PAPSS1: variants seen among roughly 807,000 people sequenced by gnomAD.
PAPSS1 encodes 3'-phosphoadenosine 5'-phosphosulfate synthase 1, also known as bifunctional 3'-phosphoadenosine 5'-phosphosulfate synthase 1.
In PAPSS1, 50 loss-of-function variants were observed where a neutral mutation model predicts 72.0. The observed-to-expected ratio is 0.69, with a 90% CI of 0.55 to 0.88. PAPSS1 has a LOEUF of 0.88. Ranked by LOEUF, PAPSS1 falls within the 40% of genes least tolerant of loss-of-function variation. The pLI is 0.00. For synonymous variants in PAPSS1, 261 were observed against 263.6 expected, an observed-to-expected ratio of 0.99 and a Z score of 0.09; for missense variants, 657 against 782.2, an observed-to-expected ratio of 0.84 and a Z score of 1.91.
At chr4:107,623,046 A>G (rs1379384952) in intron 11 of PAPSS1, among the ~76,000 whole-genome samples, 1 of 152,228 alleles carries the variant, frequency 6.6e-6, no homozygotes, top group Non-Finnish European at 1.5e-5. Flanking sequence ...CACTTCCTCC[A>G]GTCTGCCCAT....
intron 9 of PAPSS1, among the ~76,000 whole-genome samples, chr4:107,651,304 C>A (rs980191700): frequency 2.0e-5 from 3 of 152,170 alleles, no homozygotes; most frequent in Non-Finnish European, 4.4e-5. Context: ...GTTCTTAACC[C>A]ATTTTATTAA....
At position 107,714,571 on chromosome 4, in the gene PAPSS1, A is replaced by G. The variant is rs535705554; in HGVS notation, c.60+5549T>C. Among the ~76,000 whole-genome samples the G allele has an allele frequency of 3.2e-3, 487 of 152,248 alleles. 4 individuals carry two copies. The highest frequency in any genetic ancestry group is 5.4e-3 in the Non-Finnish European group (366 of 68,018). ...ATGGCAACTTCCAGGCTGATGGGGG[A>G]AAAAAATGCCACAACAATTGGATTT... is the stretch of plus-strand genomic sequence containing the variant. On this transcript the variant is annotated intron_variant, in intron 1 of 11. Transcript: ENST00000265174.
chr4:107,616,221 T>G (rs1018005653), intron 11 of PAPSS1, among the ~76,000 whole-genome samples: 1 of 152,198 alleles, frequency 6.6e-6, no homozygotes, highest in African/African-American at 2.4e-5. Context: ...AAGTGCTTTT[T>G]ATTTTATTCA....
intron 5 of PAPSS1, among the ~76,000 whole-genome samples, chr4:107,676,041 A>T (rs907150539): frequency 4.6e-5 from 7 of 152,236 alleles, no homozygotes; most frequent in Non-Finnish European, 1.0e-4. Flanking sequence ...TCTCAAAATA[A>T]TAAGAGCTAT....
At chr4:107,637,471 A>T (rs1460303307) in intron 10 of PAPSS1, among the ~76,000 whole-genome samples, 1 of 152,126 alleles carries the variant, frequency 6.6e-6, no homozygotes, top group African/African-American at 2.4e-5. Context: ...CCACTAAACC[A>T]TTCTCTCCCC....
At chr4:107,677,576 A>G (rs1421240870) in intron 5 of PAPSS1, among the ~76,000 whole-genome samples, 1 of 152,212 alleles carries the variant, frequency 6.6e-6, no homozygotes, top group Non-Finnish European at 1.5e-5. Context: ...GAACACTTTT[A>G]CACTGTTGGT....
At position 107,701,787 on chromosome 4, in the gene PAPSS1, CAT is replaced by C. The variant is rs1459770687; in HGVS notation, c.61-504_61-503del. Among the ~76,000 whole-genome samples the C allele has an allele frequency of 4.6e-5, 7 of 152,020 alleles. No individual in the cohort carries two copies. In the South Asian group the frequency reaches 6.2e-4, roughly 14 times the overall value. Reference sequence around the variant, plus strand: ...TGATAAGTGCACTGTAGAAAAATAACATAGGGTAAAAAAGGAAACAGAGTGCC... The same window carrying C: ...TGATAAGTGCACTGTAGAAAAATAACAGGGTAAAAAAGGAAACAGAGTGCC... On this transcript the variant is annotated intron_variant, in intron 1 of 11. Coordinates refer to ENST00000265174, the MANE Select transcript of PAPSS1 (RefSeq NM_005443.5).
At chr4:107,673,920 A>G (rs1387063741) in intron 5 of PAPSS1, among the ~76,000 whole-genome samples, 1 of 152,234 alleles carries the variant, frequency 6.6e-6, no homozygotes, top group Non-Finnish European at 1.5e-5. Context: ...AGAATTTTCA[A>G]CTCAGAATTT....
intron 11 of PAPSS1, among the ~76,000 whole-genome samples, chr4:107,617,513 TG>T: frequency 1.3e-5 from 2 of 152,166 alleles, no homozygotes; most frequent in Non-Finnish European, 2.9e-5. Context: ...GAAAAATCAA[TG>T]TCAGTGTTTT....
At chr4:107,639,277 T>C (rs182270708) in intron 10 of PAPSS1, among the ~76,000 whole-genome samples, 129 of 152,278 alleles carry the variant, frequency 8.5e-4, no homozygotes, top group African/African-American at 2.5e-3. Context: ...GCTAAAAGTA[T>C]ATAAAACAGA....
chr4:107,669,322 G>A (rs1385864041), intron 5 of PAPSS1, among the ~76,000 whole-genome samples: 1 of 152,166 alleles, frequency 6.6e-6, no homozygotes, highest in African/African-American at 2.4e-5. Context: ...TCAACTTAGT[G>A]AGAAAAACAA....
At position 107,687,034 on chromosome 4, in the gene PAPSS1, C is replaced by T. The variant is rs1262876314; in HGVS notation, c.550+5G>A. ...AAGTGAAACTGGGAAGAAAATATTA[C>T]TGACCTTTAATTTCTCCTGCCCGGG... On this transcript the variant is annotated splice_donor_5th_base_variant and intron_variant, in intron 4 of 11. Transcript: ENST00000265174. 2 of 1,596,724 alleles carry T rather than the reference C, an allele frequency of 1.3e-6. No individual in the cohort carries two copies. Among genetic ancestry groups the T allele is most frequent in the Non-Finnish European group, 1.7e-6 (2 of 1,174,412 alleles).
rs999216571 is a variant in PAPSS1 at position 107,719,860 on chromosome 4, G to A, written c.60+260C>T. ...GGTCTTACCTGAGCGGAGGCGCTGGGGAGGGGGGGCGTTCTTCCCACGAAC... is the reference window on the plus strand; with the variant it reads ...GGTCTTACCTGAGCGGAGGCGCTGGAGAGGGGGGGCGTTCTTCCCACGAAC... On this transcript the variant is annotated intron_variant, in intron 1 of 11. Coordinates refer to ENST00000265174, the MANE Select transcript of PAPSS1 (RefSeq NM_005443.5). 38 of 1,344,802 alleles carry A rather than the reference G, an allele frequency of 2.8e-5. No individual in the cohort carries two copies. The East Asian group carries it at 4.9e-4, about 17-fold the overall frequency. 83.3% of individuals were successfully genotyped at this position (1,344,802 alleles called of 1,614,324 possible). A position where few individuals can be genotyped will look rare whatever the true frequency, so the allele number is the denominator to read the frequency against.
rs1013093228 is a variant in PAPSS1, at chr4:107,701,364, A to C, written c.61-79T>G. On this transcript the variant is annotated intron_variant, in intron 1 of 11. Transcript: ENST00000265174. ...AACACATATTCCTTGCAAACACACA[A>C]AAGTCTATGTAACATGCCAAAAGCA... is the stretch of plus-strand genomic sequence containing the variant. The C allele has an allele frequency of 3.0e-5, 27 of 901,678 alleles. 2 individuals are homozygous for C. The South Asian group carries it at 3.5e-4, about 12-fold the overall frequency. 55.9% of individuals were successfully genotyped at this position (901,678 alleles called of 1,614,324 possible).
rs147131967 is a variant in PAPSS1, at chr4:107,701,695, C to G, written c.61-410G>C. On this transcript the variant is annotated intron_variant, in intron 1 of 11. Transcript: ENST00000265174. ...ATGTGAGCAAAACAAGGTCACTACC[C>G]TCAATTAGCTTACATCCCACTGGGG... 1.6e-3 allele frequency among the ~76,000 whole-genome samples: 250 copies of G among 152,270 alleles called. 3 individuals carry two copies. Among genetic ancestry groups the G allele is most frequent in the African/African-American group, 5.7e-3 (236 of 41,554 alleles).
intron 1 of PAPSS1, among the ~76,000 whole-genome samples, chr4:107,705,199 T>A (rs958498476): frequency 2.0e-5 from 3 of 152,210 alleles, no homozygotes; most frequent in Non-Finnish European, 4.4e-5. Flanking sequence ...TATTCCCTCT[T>A]TAATTTTTTG....
intron 1 of PAPSS1, among the ~76,000 whole-genome samples, chr4:107,704,122 G>T (rs1342060173): frequency 6.6e-6 from 1 of 151,974 alleles, no homozygotes; most frequent in East Asian, 1.9e-4. Context: ...AAATGAGATT[G>T]TTTTCTTATT....
chr4:107,625,480 A>G (rs144222637), intron 11 of PAPSS1, among the ~76,000 whole-genome samples: 111 of 152,310 alleles, frequency 7.3e-4, no homozygotes, highest in African/African-American at 2.0e-3. Flanking sequence ...CTCTAGGAGC[A>G]GACAGCAATG....
In PAPSS1 at chr4:107,657,565, T is replaced by C. The variant is rs1454233181; in HGVS notation, c.784-558A>G. 2.0e-5 allele frequency among the ~76,000 whole-genome samples: 3 copies of C among 151,954 alleles called. No homozygotes were observed. In the East Asian group the frequency reaches 5.8e-4, roughly 30 times the overall value. Reference sequence around the variant, plus strand: ...GGTGAAACCCAGTCTCTACTAAAAATACAAAAAATTAGCCAGATGTGGTGG... The same window carrying C: ...GGTGAAACCCAGTCTCTACTAAAAACACAAAAAATTAGCCAGATGTGGTGG... On this transcript the variant is annotated intron_variant, in intron 6 of 11. Coordinates refer to ENST00000265174, the MANE Select transcript of PAPSS1 (RefSeq NM_005443.5).
Sources: gnomAD v4.1 joint callset for allele counts (sites outside exome capture counted in the v4.1 genomes callset) on GRCh38, gnomAD v4.1.1 for gene constraint, MANE v1.5 for transcripts, NCBI Gene and HGNC (gene_info 2026-07-23, HGNC 2026-07-21) for gene names.